Variants in DNAH3 observed in about 807,000 individuals in gnomAD.
DNAH3 encodes axonemal beta dynein heavy chain 3.
DNAH3 carries 332 observed loss-of-function variants against 432.5 expected under a neutral mutation model. That is an observed-to-expected ratio of 0.77 (90% CI 0.70 to 0.84). The LOEUF is 0.84. DNAH3 is among the 40% of genes least tolerant of loss of function. DNAH3 has a pLI of 0.00. For missense variants in DNAH3, 4,861 were observed against 5,114.0 expected, an observed-to-expected ratio of 0.95 and a Z score of 1.51; for synonymous variants, 1,956 against 1,900.2, an observed-to-expected ratio of 1.03 and a Z score of -0.76.
intron 18 of DNAH3, among the ~76,000 whole-genome samples, chr16:21,093,715 G>T (rs1462875770): frequency 6.6e-6 from 1 of 152,200 alleles, no homozygotes; most frequent in South Asian, 2.1e-4. Flanking sequence ...TGTGGTATCA[G>T]TGAAAGGCTT....
At chr16:21,086,487 G>C (rs2091375620) in intron 19 of DNAH3, among the ~76,000 whole-genome samples, 1 of 152,126 alleles carries the variant, frequency 6.6e-6, no homozygotes, top group Admixed American at 6.5e-5. Context: ...AGGTCAAGGA[G>C]CAAATCAAGG....
chr16:20,985,648 T>C (rs1326299762), exon 48 of DNAH3: 25 of 1,614,044 alleles, frequency 1.5e-5, no homozygotes, highest in Non-Finnish European at 2.1e-5. Context: ...CTTGAAATAA[T>C]CTCCAAAGAA....
chr16:21,002,525 G>A lies in DNAH3; in HGVS notation c.6126+579C>T, dbSNP rs531124668. Among the ~76,000 whole-genome samples the A allele has an allele frequency of 1.5e-4, 23 of 151,958 alleles. No individual in the cohort carries two copies. In the South Asian group the frequency reaches 4.2e-3, roughly 27 times the overall value. On this transcript the variant is annotated intron_variant, in intron 42 of 61. Transcript: ENST00000261383. ...CACCCAGGCTGAAGTGCAATGGCGC[G>A]ATCTCGGCTCACTGAAATCTCTGCC...
intron 18 of DNAH3, among the ~76,000 whole-genome samples, chr16:21,092,218 T>G (rs1170327988): frequency 6.6e-6 from 1 of 152,162 alleles, no homozygotes; most frequent in Non-Finnish European, 1.5e-5. Flanking sequence ...CAAGAGTTAC[T>G]ATAAAACTAT....
chr16:21,081,692 G>A (rs111401762), exon 20 of DNAH3: 42 of 1,613,806 alleles, frequency 2.6e-5, no homozygotes, highest in African/African-American at 5.3e-5. Flanking sequence ...AGGTCGTTTC[G>A]GTGGGCTTTA....
At chr16:21,024,519 A>C in intron 39 of DNAH3, 77 bp downstream of exon 39, 1 of 1,029,634 alleles carries the variant, frequency 9.7e-7, no homozygotes, top group Admixed American at 2.6e-5. Flanking sequence ...TATGAAGGTG[A>C]AGATGTACCT....
intron 20 of DNAH3, among the ~76,000 whole-genome samples, chr16:21,078,053 A>C (rs1463008101): frequency 6.6e-6 from 1 of 152,134 alleles, no homozygotes; most frequent in Non-Finnish European, 1.5e-5. Context: ...AGGCAGGTGA[A>C]TCACCTGAGG....
intron 14 of DNAH3, among the ~76,000 whole-genome samples, chr16:21,107,823 T>C (rs1219835725): frequency 6.6e-6 from 1 of 152,006 alleles, no homozygotes; most frequent in Non-Finnish European, 1.5e-5. Flanking sequence ...ATGTTAGCAA[T>C]GATACCATAG....
At chr16:21,119,878 C>T (rs988659985) in intron 11 of DNAH3, among the ~76,000 whole-genome samples, 6 of 150,194 alleles carry the variant, frequency 4.0e-5, no homozygotes, top group Admixed American at 6.6e-5. Context: ...TTAGTAGAGA[C>T]GGGGTTTCAC....
intron 39 of DNAH3, among the ~76,000 whole-genome samples, chr16:21,023,966 G>A (rs1282954788): frequency 6.6e-6 from 1 of 152,126 alleles, no homozygotes; most frequent in Non-Finnish European, 1.5e-5. Context: ...TTCCTCAGTG[G>A]GAGACTTTCC....
In DNAH3 at chr16:21,131,492, G is replaced by GAA. The variant is rs1260516290; in HGVS notation, c.1082+2766_1082+2767insTT. On this transcript the variant is annotated intron_variant, in intron 7 of 61. Coordinates refer to ENST00000261383, the Ensembl canonical transcript of DNAH3. ...GGAAGGAAGGAAGAAAGAAAAGAAAGAGAGATGAGAGAGAAGGAAGGAAGG... is the reference window on the plus strand; with the variant it reads ...GGAAGGAAGGAAGAAAGAAAAGAAAGAAAGAGATGAGAGAGAAGGAAGGAAGG... Among the ~76,000 whole-genome samples, 58 of 7,382 alleles carry GAA rather than the reference G, an allele frequency of 7.9e-3. 1 individual carries two copies. In the East Asian group the frequency reaches 0.25, roughly 32 times the overall value. The allele number at this position is 7,382 out of a possible 152,430, so 4.8% of individuals were successfully genotyped here.
chr16:21,033,989 C>T lies in DNAH3; in HGVS notation c.5182G>A (p.Gly1728Ser), dbSNP rs199605504. 21 of 1,613,426 alleles carry T rather than the reference C, an allele frequency of 1.3e-5. No individual in the cohort carries two copies. The highest frequency in any genetic ancestry group is 6.7e-5 in the East Asian group (3 of 44,862). ...TGAGCTTTACCTGCGTGTAAATCGC[C>T]GAGAGCTGCAGCCAACACTTTATAA... is the stretch of plus-strand genomic sequence containing the variant. Residue 1728 changes from glycine (G) to serine (S), a missense_variant, in exon 36 of 62, where the codon GGC becomes AGC. Physicochemically the swap from Gly to Ser is moderately conservative, Grantham distance 56 (BLOSUM62 0). Transcript: ENST00000261383.
At chr16:21,060,965 G>A (rs778833200) in intron 25 of DNAH3, among the ~76,000 whole-genome samples, 5 of 151,458 alleles carry the variant, frequency 3.3e-5, no homozygotes, top group Non-Finnish European at 7.4e-5. Context: ...AGCCTCCTGA[G>A]TAACTGGGAC....
intron 58 of DNAH3, 64 bp downstream of exon 58, chr16:20,944,432 G>A: frequency 1.9e-6 from 3 of 1,582,850 alleles, no homozygotes; most frequent in Non-Finnish European, 2.6e-6. Context: ...CCAATCCTGT[G>A]TGCCCACTGG....
At chr16:21,070,742 G>A (rs758658039) in exon 22 of DNAH3, 6 of 1,612,476 alleles carry the variant, frequency 3.7e-6, no homozygotes, top group African/African-American at 2.7e-5. Context: ...TTGATGAATG[G>A]GGAGCCACAC....
exon 48 of DNAH3, chr16:20,985,171 G>A (rs2086129100): frequency 1.2e-6 from 2 of 1,614,180 alleles, no homozygotes; most frequent in Non-Finnish European, 8.5e-7. Flanking sequence ...CACGATGTCA[G>A]CCTTCTCGTC....
chr16:21,008,043 A>T (rs1055262935), intron 41 of DNAH3, among the ~76,000 whole-genome samples: 14 of 152,220 alleles, frequency 9.2e-5, no homozygotes, highest in African/African-American at 3.4e-4. Flanking sequence ...TGTCAATTCT[A>T]TTCAATTAAT....
intron 54 of DNAH3, among the ~76,000 whole-genome samples, chr16:20,958,072 A>AT (rs35285615): frequency 0.076 from 10,450 of 138,082 alleles, 478 homozygotes; most frequent in East Asian, 0.17. Context: ...AAACAGTAGA[A>AT]TTTTTTTTTT....
intron 25 of DNAH3, among the ~76,000 whole-genome samples, chr16:21,060,900 C>T (rs1000720346): frequency 4.1e-5 from 6 of 148,030 alleles, no homozygotes; most frequent in Non-Finnish European, 8.9e-5. Context: ...TGCGGTGGCA[C>T]GATCCTGGCT....
Sources: gnomAD v4.1 joint callset for allele counts (sites outside exome capture counted in the v4.1 genomes callset) on GRCh38, gnomAD v4.1.1 for gene constraint, MANE v1.5 for transcripts, NCBI Gene and HGNC (gene_info 2026-07-23, HGNC 2026-07-21) for gene names.